HAPLN1: variants seen among roughly 807,000 people sequenced by gnomAD.
The protein encoded by HAPLN1 is hyaluronan and proteoglycan link protein 1.
In HAPLN1, 13 loss-of-function variants were observed where a neutral mutation model predicts 36.5. The ratio of observed to expected loss-of-function variants is 0.36; its 90% CI spans 0.23 to 0.57. The LOEUF (loss-of-function observed/expected upper bound fraction) is 0.57, where lower values mean the gene tolerates loss of function less well. HAPLN1 is among the 20% of genes least tolerant of loss of function. The pLI is 0.83. For missense variants in HAPLN1, 407 were observed against 439.7 expected (o/e 0.93, Z 0.66); for synonymous variants, 202 against 169.8 (o/e 1.19, Z -1.48).
At chr5:83,651,523 T>C (rs577727726) in intron 3 of HAPLN1, among the ~76,000 whole-genome samples, 114 of 111,392 alleles carry the variant, frequency 1.0e-3, no homozygotes, top group African/African-American at 4.4e-3. Flanking sequence ...ATTTATTAGA[T>C]GTATAAAGCA....
At chr5:83,685,697 G>T (rs1323136957) in intron 1 of HAPLN1, among the ~76,000 whole-genome samples, 1 of 152,164 alleles carries the variant, frequency 6.6e-6, no homozygotes, top group Non-Finnish European at 1.5e-5. Context: ...TGAATAAGGA[G>T]ATTGGCGTTT....
chr5:83,671,681 A>G (rs1326058817), intron 2 of HAPLN1, among the ~76,000 whole-genome samples: 1 of 152,234 alleles, frequency 6.6e-6, no homozygotes, highest in African/African-American at 2.4e-5. Flanking sequence ...AAGTAATGAG[A>G]ACAGGTATTT....
intron 2 of HAPLN1, among the ~76,000 whole-genome samples, chr5:83,664,419 A>G (rs1212482796): frequency 6.6e-6 from 1 of 151,698 alleles, no homozygotes; most frequent in African/African-American, 2.4e-5. Context: ...GTCTCACTCT[A>G]TCACCCAGGC....
At chr5:83,643,347 C>G (rs1749759948) in intron 4 of HAPLN1, among the ~76,000 whole-genome samples, 1 of 107,022 alleles carries the variant, frequency 9.3e-6, no homozygotes, top group South Asian at 3.9e-4. Flanking sequence ...GGGTGATACC[C>G]TGTCTTAAAA....
Position 83,638,961 on chromosome 5 carries a change from A to G in HAPLN1, c.*2535T>C, listed in dbSNP as rs1749602112. ...AATTATGGACAAATACATTAAAACAAGGGTTCCTGGCCCAGCCTCCCATCT... is the reference window on the plus strand; with the variant it reads ...AATTATGGACAAATACATTAAAACAGGGGTTCCTGGCCCAGCCTCCCATCT... On this transcript the variant is annotated 3_prime_UTR_variant, in exon 5 of 5. Transcript: ENST00000274341. 6.6e-6 allele frequency: 1 copy of G among 152,074 alleles called. No homozygotes were observed. The highest frequency in any genetic ancestry group is 2.4e-5 in the African/African-American group (1 of 41,442). The allele number at this position is 152,074 out of a possible 1,614,324, so 9.4% of individuals were successfully genotyped here. A position where few individuals can be genotyped will look rare whatever the true frequency, so the allele number is the denominator to read the frequency against.
At position 83,652,651 on chromosome 5, in the gene HAPLN1, C is replaced by G. The variant is rs747068917; in HGVS notation, c.274G>C (p.Val92Leu). ...TKLTSDYLKEVDVFVSMGYHK... is the reference protein window; with the variant it reads ...TKLTSDYLKELDVFVSMGYHK... ...TATCCCATGGAAACAAAAACATCCACTTCCTTGAGGTAATCCGAAGTTAGC... is the reference window on the plus strand; with the variant it reads ...TATCCCATGGAAACAAAAACATCCAGTTCCTTGAGGTAATCCGAAGTTAGC... Residue 92 changes from valine to leucine, a missense_variant, in exon 3 of 5, where the codon GTG becomes CTG. By Grantham distance (32) the Val-to-Leu change is conservative (BLOSUM62 1). Transcript: ENST00000274341. The G allele has an allele frequency of 4.3e-6, 7 of 1,614,146 alleles. No individual in the cohort carries two copies. In the South Asian group the frequency reaches 7.7e-5, roughly 18 times the overall value.
chr5:83,704,652 C>T (rs775846359), intron 1 of HAPLN1, among the ~76,000 whole-genome samples: 10 of 152,126 alleles, frequency 6.6e-5, no homozygotes, highest in South Asian at 2.1e-4. Flanking sequence ...CAGAAACTAA[C>T]GAAGAAGGGC....
intron 1 of HAPLN1, among the ~76,000 whole-genome samples, chr5:83,714,635 A>G (rs1029666544): frequency 7.2e-5 from 11 of 152,228 alleles, no homozygotes; most frequent in African/African-American, 2.7e-4. Flanking sequence ...CGTATTTTCA[A>G]CATGATGGCT....
At chr5:83,676,195 T>TACACACACATAC (rs1750856964) in intron 1 of HAPLN1, among the ~76,000 whole-genome samples, 1,793 of 101,862 alleles carry the variant, frequency 0.018, 41 homozygotes, top group African/African-American at 0.059. Context: ...CGCACACATA[T>TACACACACATAC]ACAGAGATAC....
At chr5:83,646,671 C>T (rs1459255735) in intron 3 of HAPLN1, among the ~76,000 whole-genome samples, 8 of 152,186 alleles carry the variant, frequency 5.3e-5, no homozygotes, top group Admixed American at 2.6e-4. Flanking sequence ...GAGTAAAAGC[C>T]TCTCTTGGTT....
chr5:83,702,564 G>T (rs1339563265), intron 1 of HAPLN1, among the ~76,000 whole-genome samples: 2 of 152,074 alleles, frequency 1.3e-5, no homozygotes, highest in Non-Finnish European at 2.9e-5. Flanking sequence ...GAGAAATAAG[G>T]CCATGAAGAT....
In HAPLN1 at chr5:83,652,780, C is replaced by T. The variant is rs770115705; in HGVS notation, c.145G>A (p.Val49Met). ...HLLVEAEQAK[V>M]FSHRGGNVTL... ...ACATTGCCACCTCTGTGTGAAAACA[C>T]CTTGGCTTGCTCTGCTTCCACAAGT... The change falls in exon 3 of 5, where the codon GTG becomes ATG. Residue 49 changes from valine to methionine, a missense_variant. By Grantham distance (21) the Val-to-Met change is conservative. Transcript: ENST00000274341. 16 of 1,612,300 alleles carry T rather than the reference C, an allele frequency of 9.9e-6. No individual in the cohort carries two copies. The highest frequency in any genetic ancestry group is 1.4e-5 in the Non-Finnish European group (16 of 1,178,654).
intron 1 of HAPLN1, among the ~76,000 whole-genome samples, chr5:83,715,344 G>A (rs769990495): frequency 6.6e-6 from 1 of 152,192 alleles, no homozygotes; most frequent in Non-Finnish European, 1.5e-5. Context: ...GATCCTCTGG[G>A]ATGCAGGGGT....
chr5:83,705,998 C>T (rs886545503), intron 1 of HAPLN1, among the ~76,000 whole-genome samples: 5 of 151,440 alleles, frequency 3.3e-5, no homozygotes, highest in Non-Finnish European at 7.4e-5. Context: ...GGATAAATTT[C>T]TGGAAACATG....
At chr5:83,649,937 A>C (rs1750004944) in intron 3 of HAPLN1, among the ~76,000 whole-genome samples, 1 of 152,228 alleles carries the variant, frequency 6.6e-6, no homozygotes, top group Non-Finnish European at 1.5e-5. Context: ...GTTTACAAAT[A>C]TTTACAAAAC....
intron 1 of HAPLN1, among the ~76,000 whole-genome samples, chr5:83,717,782 C>G (rs1238097280): frequency 6.6e-6 from 1 of 152,072 alleles, no homozygotes; most frequent in Non-Finnish European, 1.5e-5. Flanking sequence ...CTTCAAAACT[C>G]CAAGTGAACA....
At chr5:83,679,317 T>G (rs1279208026) in intron 1 of HAPLN1, among the ~76,000 whole-genome samples, 1 of 152,190 alleles carries the variant, frequency 6.6e-6, no homozygotes, top group Non-Finnish European at 1.5e-5. Context: ...ACCATGCGTA[T>G]AAAACATGGG....
rs917804939 is a variant in HAPLN1, at chr5:83,638,227, A to C, written c.*3269T>G. 2.0e-5 allele frequency: 3 copies of C among 151,960 alleles called. No homozygotes were observed. The highest frequency in any genetic ancestry group is 4.4e-5 in the Non-Finnish European group (3 of 67,896). The allele number at this position is 151,960 out of a possible 1,614,324, so 9.4% of individuals were successfully genotyped here. On this transcript the variant is annotated 3_prime_UTR_variant, in exon 5 of 5. Coordinates refer to ENST00000274341, the MANE Select transcript of HAPLN1 (RefSeq NM_001884.4). ...GTAACACAAAATTGACTTTTAATGT[A>C]CCAGTTCATTGTATCTTACAGAAAA... is the stretch of plus-strand genomic sequence containing the variant.
intron 4 of HAPLN1, among the ~76,000 whole-genome samples, chr5:83,642,588 A>T (rs1749732841): frequency 6.6e-6 from 1 of 152,188 alleles, no homozygotes; most frequent in African/African-American, 2.4e-5. Flanking sequence ...GAAAGTGATA[A>T]ATACACATGG....
Sources: allele counts gnomAD v4.1 joint callset (sites outside exome capture counted in the v4.1 genomes callset), GRCh38; gene constraint gnomAD v4.1.1; transcripts MANE v1.5; gene names NCBI Gene and HGNC (gene_info 2026-07-23, HGNC 2026-07-21).